Variants in TOPBP1 observed in about 807,000 individuals in gnomAD.
The protein encoded by TOPBP1 is DNA topoisomerase II binding protein 1, also known as DNA topoisomerase 2-binding protein 1.
A neutral mutation model predicts 167.7 loss-of-function variants in TOPBP1; 28 were observed. The observed-to-expected ratio is 0.17, with a 90% CI of 0.12 to 0.23. The LOEUF (loss-of-function observed/expected upper bound fraction) is 0.23. Among genes scored for constraint, TOPBP1 ranks in the 10% least tolerant of loss-of-function variants. The pLI, the probability that TOPBP1 is intolerant of heterozygous loss-of-function variation, is 1.00. For missense variants in TOPBP1, 1,554 were observed against 1,809.6 expected (o/e 0.86, Z 2.56); for synonymous variants, 598 against 611.4 (o/e 0.98, Z 0.32).
chr3:133,637,568 T>G (rs1353009022), intron 14 of TOPBP1, among the ~76,000 whole-genome samples: 1 of 152,240 alleles, frequency 6.6e-6, no homozygotes, highest in Non-Finnish European at 1.5e-5. Context: ...GAGCAAATAT[T>G]ATCTTCTTTG....
intron 19 of TOPBP1, 120 bp from the exon 20 acceptor site, chr3:133,620,467 A>G (rs1935048375): frequency 1.0e-6 from 1 of 976,558 alleles, no homozygotes; most frequent in African/African-American, 1.6e-5. Context: ...TTTACTGAAT[A>G]TTAACTACAG....
intron 24 of TOPBP1, 139 bp from the exon 25 acceptor site, chr3:133,611,280 G>T: frequency 1.5e-6 from 1 of 658,998 alleles, no homozygotes; most frequent in Non-Finnish European, 2.2e-6. Flanking sequence ...ACAGTACTAA[G>T]TAAATATTGT....
chr3:133,637,805 G>A, intron 14 of TOPBP1, 71 bp downstream of exon 14: 2 of 1,524,414 alleles, frequency 1.3e-6, no homozygotes, highest in Non-Finnish European at 1.8e-6. Flanking sequence ...CAGAGGTGAT[G>A]CCAAATTTGG....
intron 5 of TOPBP1, 107 bp from the exon 6 acceptor site, chr3:133,655,593 T>C: frequency 3.2e-6 from 2 of 628,844 alleles, no homozygotes; most frequent in Non-Finnish European, 4.8e-6. Context: ...GGATTTATAA[T>C]CTTTTTTTTA....
In TOPBP1 at chr3:133,628,447, T is replaced by C; in HGVS notation, c.2719A>G (p.Lys907Glu). The C allele has an allele frequency of 1.2e-6, 2 of 1,611,322 alleles. No individual in the cohort carries two copies. Among genetic ancestry groups the C allele is most frequent in the Non-Finnish European group, 1.7e-6 (2 of 1,178,664 alleles). ...TTTTTACTAACACATACCACTACTT[T>C]GTGAAGTGGCTTTGGGGCTTCTTCC... Reference protein sequence around the residue: ...EKEEAPKPLHKVVVCVSKKLS... With the variant: ...EKEEAPKPLHEVVVCVSKKLS... The change falls in exon 16 of 28, where the codon AAA (lysine) becomes GAA (glutamate). Residue 907 changes from lysine (K) to glutamate (E), a missense_variant. Transcript: ENST00000260810.
intron 2 of TOPBP1, among the ~76,000 whole-genome samples, chr3:133,660,755 C>G (rs777624660): frequency 1.3e-5 from 2 of 152,122 alleles, no homozygotes; most frequent in Non-Finnish European, 2.9e-5. Context: ...CTACAGCACG[C>G]AAAGGACCAC....
chr3:133,611,069 G>A lies in TOPBP1; in HGVS notation c.4108C>T (p.Leu1370=). 6.2e-7 allele frequency: 1 copy of A among 1,613,404 alleles called. No individual in the cohort carries two copies. Among genetic ancestry groups the A allele is most frequent in the Non-Finnish European group, 8.5e-7 (1 of 1,179,536 alleles). ...CTCCATCTCATTGCTGCAAGTGCTA[G>A]TCTTCGTTGCTGTACATTGATTCCA... is the stretch of plus-strand genomic sequence containing the variant. ...LTGINVQQRR[L]ALAAMRWRKK... Residue 1370 remains leucine (L), a synonymous_variant, in exon 25 of 28, where the codon CTA becomes TTA. Transcript: ENST00000260810.
Position 133,624,058 on chromosome 3 carries a change from A to G in TOPBP1, c.2922T>C (p.Leu974=), listed in dbSNP as rs1312172647. 1 of 1,612,612 alleles carries G rather than the reference A, an allele frequency of 6.2e-7. No individual in the cohort carries two copies. The highest frequency in any genetic ancestry group is 2.2e-5 in the East Asian group (1 of 44,820). The change falls in exon 17 of 28, where the codon CTT becomes CTC. Residue 974 remains leucine (L), a synonymous_variant. Transcript: ENST00000260810. ...GGAAAAAAGCACTGCTTACATCTAA[A>G]AGCCAGTGCTCGGAAACAATGTGTA... ...RGVHIVSEHW[L]LDCAQECKHL...
chr3:133,651,171 CTTTTT>C (rs1176625452), intron 8 of TOPBP1, among the ~76,000 whole-genome samples: 6 of 82,090 alleles, frequency 7.3e-5, no homozygotes, highest in African/African-American at 2.4e-4. Flanking sequence ...CCGAATTTCC[CTTTTT>C]TTTTTTTTTT....
rs752521125 is a variant in TOPBP1 at position 133,618,201 on chromosome 3, C to A, written c.3592+12G>T. The stretch of plus-strand genomic sequence containing the variant: ...TTAATACAAACAAATGCAAAGATTT[C>A]TTTCTTGTTACCCTGTTTAGCAATT... On this transcript the variant is annotated intron_variant, in intron 21 of 27. Coordinates refer to ENST00000260810, the MANE Select transcript of TOPBP1 (RefSeq NM_007027.4). 1.2e-6 allele frequency: 2 copies of A among 1,601,878 alleles called. No individual in the cohort carries two copies. Among genetic ancestry groups the A allele is most frequent in the South Asian group, 1.1e-5 (1 of 90,714 alleles).
intron 14 of TOPBP1, 34 bp from the exon 15 acceptor site, chr3:133,628,767 A>G (rs1292735403): frequency 2.6e-6 from 4 of 1,544,800 alleles, no homozygotes; most frequent in Non-Finnish European, 3.5e-6. Context: ...AGATGGAGAA[A>G]AGAAGAGAGA....
intron 23 of TOPBP1, 104 bp downstream of exon 23, chr3:133,616,710 T>C (rs1001693518): frequency 3.2e-6 from 2 of 623,338 alleles, no homozygotes; most frequent in Non-Finnish European, 5.1e-6. Context: ...CATGTTCTTT[T>C]CCTCTACTTC....
intron 27 of TOPBP1, among the ~76,000 whole-genome samples, chr3:133,604,251 C>G (rs780436806): frequency 2.0e-5 from 3 of 151,742 alleles, no homozygotes; most frequent in Non-Finnish European, 2.9e-5. Context: ...TCTCCTGCCT[C>G]AGCCTCCCGA....
intron 24 of TOPBP1, 55 bp downstream of exon 24, chr3:133,612,334 C>G: frequency 1.3e-6 from 2 of 1,597,978 alleles, no homozygotes; most frequent in Non-Finnish European, 1.7e-6. Flanking sequence ...GCCACTGCAC[C>G]CGGTGGACAC....
chr3:133,657,820 G>A lies in TOPBP1; in HGVS notation c.341C>T (p.Thr114Ile). The part of the protein sequence containing the change: ...MVMSDVTISC[T>I]SLEKEKREEV... ...TACCCTTTTTTCTTTTTCCAGACTTGTACAAGATATGGTTACATCAGACAT... is the reference window on the plus strand; with the variant it reads ...TACCCTTTTTTCTTTTTCCAGACTTATACAAGATATGGTTACATCAGACAT... Residue 114 changes from threonine (T) to isoleucine (I), a missense_variant, in exon 4 of 28, where the codon ACA becomes ATA. Physicochemically the swap from Thr to Ile is moderately conservative, Grantham distance 89. Around this residue, in one of 3 missense-constraint regions of TOPBP1, gnomAD observed 1,197 missense variants for 1,351.5 expected, o/e 0.89. Coordinates refer to ENST00000260810, the MANE Select transcript of TOPBP1 (RefSeq NM_007027.4). The A allele has an allele frequency of 1.3e-6, 2 of 1,557,300 alleles. No homozygotes were observed. The highest frequency in any genetic ancestry group is 1.7e-4 in the Middle Eastern group (1 of 5,850).
intron 19 of TOPBP1, among the ~76,000 whole-genome samples, 177 bp downstream of exon 19, chr3:133,622,914 G>C (rs1935140407): frequency 6.6e-6 from 1 of 152,032 alleles, no homozygotes; most frequent in South Asian, 2.1e-4. Flanking sequence ...TGCTTTGCTT[G>C]TATTTAGTAA....
At chr3:133,651,619 G>C (rs1165274681) in intron 8 of TOPBP1, among the ~76,000 whole-genome samples, 1 of 152,152 alleles carries the variant, frequency 6.6e-6, no homozygotes, top group African/African-American at 2.4e-5. Flanking sequence ...AAAAAGTATA[G>C]CATATGCTGT....
chr3:133,620,544 GTA>G (rs1341483322), intron 19 of TOPBP1, among the ~76,000 whole-genome samples, 197 bp from the exon 20 acceptor site: 1 of 149,228 alleles, frequency 6.7e-6, no homozygotes, highest in African/African-American at 2.5e-5. Flanking sequence ...CACAAGCACT[GTA>G]TATGAAATAA....
chr3:133,636,307 AATAG>A (rs770223581), intron 14 of TOPBP1, among the ~76,000 whole-genome samples: 19 of 152,186 alleles, frequency 1.2e-4, no homozygotes, highest in Middle Eastern at 3.2e-3. Flanking sequence ...GGTGAGGCCT[AATAG>A]ATGGTCAATT....
Sources: gnomAD v4.1 joint callset for allele counts (sites outside exome capture counted in the v4.1 genomes callset) on GRCh38, gnomAD v4.1.1 for gene constraint, gnomAD v4.1.1 regional missense constraint, MANE v1.5 for transcripts, NCBI Gene and HGNC (gene_info 2026-07-23, HGNC 2026-07-21) for gene names.